Variants in ADAM28 observed in about 807,000 individuals in gnomAD.
ADAM28 encodes disintegrin and metalloproteinase domain-containing protein 28.
In ADAM28, 105 loss-of-function variants were observed where a neutral mutation model predicts 101.2. That is an observed-to-expected ratio of 1.04 (90% confidence interval 0.89 to 1.22). The LOEUF (loss-of-function observed/expected upper bound fraction) is 1.22, where lower values mean the gene tolerates loss of function less well. ADAM28 is among the 50% of genes most tolerant of loss of function. ADAM28 has a pLI of 0.00. For synonymous variants in ADAM28, 322 were observed against 310.6 expected (o/e 1.04, Z -0.39); for missense variants, 1,028 against 945.4 (o/e 1.09, Z -1.15).
chr8:24,326,690 T>TA (rs1812666953), intron 10 of ADAM28, 55 bp downstream of exon 10: 3 of 1,513,794 alleles, frequency 2.0e-6, no homozygotes, highest in Middle Eastern at 1.7e-4. Flanking sequence ...AAATGCTTTT[T>TA]AAAAAATCTA....
intron 14 of ADAM28, 61 bp downstream of exon 14, chr8:24,335,702 G>A: frequency 1.4e-6 from 2 of 1,467,672 alleles, no homozygotes; most frequent in Non-Finnish European, 1.8e-6. Flanking sequence ...AGATGACAGT[G>A]TTTAACCATG....
chr8:24,310,093 G>T, intron 3 of ADAM28, 70 bp from the exon 4 acceptor site: 1 of 1,557,998 alleles, frequency 6.4e-7, no homozygotes, highest in South Asian at 1.1e-5. Context: ...GCTCTCAAAT[G>T]ACTTGAGAAT....
In ADAM28 at chr8:24,329,859, GTGTGTGTGTT is replaced by G. The variant is rs1214677673; in HGVS notation, c.973-116_973-107del. The stretch of plus-strand genomic sequence containing the variant: ...TCTCTCTCTTGCTCTGTGTGTGTGT[GTGTGTGTGTT>G]TGTGTGTGTGTGTGTGTGAGAGAGA... On this transcript the variant is annotated intron_variant, in intron 10 of 22. Coordinates refer to ENST00000265769, the MANE Select transcript of ADAM28 (RefSeq NM_014265.6). 2.2e-4 allele frequency: 195 copies of G among 896,698 alleles called. No homozygotes were observed. In the African/African-American group the frequency reaches 3.2e-3, roughly 15 times the overall value. 55.5% of individuals were successfully genotyped at this position (896,698 alleles called of 1,614,324 possible). A position where few individuals can be genotyped will look rare whatever the true frequency, so the allele number is the denominator to read the frequency against.
At chr8:24,335,964 T>C in intron 14 of ADAM28, 1 of 1,074,274 alleles carries the variant, frequency 9.3e-7, no homozygotes, top group Non-Finnish European at 1.1e-6. Flanking sequence ...AAATTCAAAT[T>C]AAACTGGGTG....
At chr8:24,308,542 C>G (rs896121937) in intron 2 of ADAM28, 1 of 447,128 alleles carries the variant, frequency 2.2e-6, no homozygotes, top group Non-Finnish European at 4.5e-6. Context: ...TGGTATCATT[C>G]TCATGGCTTC....
At chr8:24,310,991 T>C (rs775536505) in intron 4 of ADAM28, among the ~76,000 whole-genome samples, 1 of 152,178 alleles carries the variant, frequency 6.6e-6, no homozygotes, top group Non-Finnish European at 1.5e-5. Context: ...GAAAAAAGCT[T>C]GTAGATCTTT....
rs910400039 is a variant in ADAM28 at position 24,355,362 on chromosome 8, G to T, written c.*958G>T. ...TCCTGGCTTTTAGAACAATAATTTT[G>T]TTCACCTGCCCACTTCTAGGAAAGA... On this transcript the variant is annotated 3_prime_UTR_variant, in exon 23 of 23. Coordinates refer to ENST00000265769, the MANE Select transcript of ADAM28 (RefSeq NM_014265.6). The T allele has an allele frequency of 1.3e-5, 2 of 148,606 alleles. No individual in the cohort carries two copies. Among genetic ancestry groups the T allele is most frequent in the Non-Finnish European group, 3.0e-5 (2 of 67,230 alleles). 9.2% of individuals were successfully genotyped at this position (148,606 alleles called of 1,614,324 possible). A position where few individuals can be genotyped will look rare whatever the true frequency, so the allele number is the denominator to read the frequency against.
At chr8:24,344,000 C>T (rs368066187) in intron 18 of ADAM28, among the ~76,000 whole-genome samples, 2 of 152,162 alleles carry the variant, frequency 1.3e-5, no homozygotes, top group Non-Finnish European at 2.9e-5. Flanking sequence ...GTTGTCACCA[C>T]GTCACTTGTA....
In ADAM28 at chr8:24,358,529, C is replaced by CAACT. The variant is rs1484801465; in HGVS notation, c.*4126_*4129dup. ...AGCTCCACCTTGTCAGGGAAGATCC[C>CAACT]AACTCAGGAGAAAACACCTCTAACA... is the stretch of plus-strand genomic sequence containing the variant. On this transcript the variant is annotated 3_prime_UTR_variant, in exon 23 of 23. Transcript: ENST00000265769. 1.3e-5 allele frequency: 2 copies of CAACT among 152,132 alleles called. No individual in the cohort carries two copies. The highest frequency in any genetic ancestry group is 4.8e-5 in the African/African-American group (2 of 41,430). 9.4% of individuals were successfully genotyped at this position (152,132 alleles called of 1,614,324 possible).
intron 2 of ADAM28, chr8:24,300,862 A>G (rs893497472): frequency 6.6e-6 from 1 of 152,208 alleles, no homozygotes; most frequent in African/African-American, 2.4e-5. Context: ...GCATGTATAT[A>G]TGCACATTAA....
At chr8:24,320,936 C>G (rs1811785787) in intron 7 of ADAM28, among the ~76,000 whole-genome samples, 1 of 151,970 alleles carries the variant, frequency 6.6e-6, no homozygotes, top group Middle Eastern at 3.4e-3. Flanking sequence ...ATTCTGCACA[C>G]CTTAGAAAAC....
chr8:24,321,085 A>G (rs1585606499), intron 7 of ADAM28, 133 bp from the exon 8 acceptor site: 1 of 594,074 alleles, frequency 1.7e-6, no homozygotes, highest in East Asian at 2.9e-5. Flanking sequence ...TTTGATTCTA[A>G]CTTTTAATTA....
intron 5 of ADAM28, among the ~76,000 whole-genome samples, chr8:24,312,134 T>C (rs932256147): frequency 6.6e-6 from 1 of 152,176 alleles, no homozygotes; most frequent in African/African-American, 2.4e-5. Context: ...ATACTATGCA[T>C]CTGTCTATAT....
At chr8:24,321,740 GA>G (rs1811910019) in intron 8 of ADAM28, among the ~76,000 whole-genome samples, 1 of 151,930 alleles carries the variant, frequency 6.6e-6, no homozygotes, top group African/African-American at 2.4e-5. Context: ...CATATTCTCA[GA>G]AACAAAGAAC....
chr8:24,330,252 C>T, intron 11 of ADAM28, 137 bp downstream of exon 11: 1 of 977,818 alleles, frequency 1.0e-6, no homozygotes. Context: ...CAAGCCACCT[C>T]ATCTATGGGT....
chr8:24,313,401 C>T lies in ADAM28; in HGVS notation c.397C>T (p.Gln133Ter), dbSNP rs1585566041. The change falls in exon 6 of 23, where the codon CAG (glutamine) becomes TAG (stop). Residue 133 changes from glutamine to a stop codon, truncating the protein, a stop_gained. Transcript: ENST00000265769. LOFTEE classifies it high-confidence loss of function. ...ATGTTTTTTCAGGGGCTACTTCAGT[C>T]AGGGGGATCAAAGATACTTTATTGA... Reference protein sequence around the residue: ...TCRGLRGYFSQGDQRYFIEPL... With the variant: ...TCRGLRGYFS 6.2e-7 allele frequency: 1 copy of T among 1,610,898 alleles called. No homozygotes were observed. The highest frequency in any genetic ancestry group is 8.5e-7 in the Non-Finnish European group (1 of 1,178,650).
rs991568593 is a variant in ADAM28, at chr8:24,358,092, T to G, written c.*3688T>G. 12 of 98,746 alleles carry G rather than the reference T, an allele frequency of 1.2e-4. No individual in the cohort carries two copies. The highest frequency in any genetic ancestry group is 2.2e-4 in the Non-Finnish European group (11 of 49,498). The allele number at this position is 98,746 out of a possible 1,614,324, so 6.1% of individuals were successfully genotyped here. A position where few individuals can be genotyped will look rare whatever the true frequency, so the allele number is the denominator to read the frequency against. On this transcript the variant is annotated 3_prime_UTR_variant, in exon 23 of 23. Coordinates refer to ENST00000265769, the MANE Select transcript of ADAM28 (RefSeq NM_014265.6). ...TTATAAAGGCTAACCAATTAACTGT[T>G]TTTAACTTATATTTCCAGATATTTT...
At position 24,355,672 on chromosome 8, in the gene ADAM28, G is replaced by GAT. The variant is rs1816637031; in HGVS notation, c.*1269_*1270insTA. ...TTATGAAGGCTGAAAAAGATAGATA[G>GAT]AGCAGAAAGATGAAAAGAATAAAAC... On this transcript the variant is annotated 3_prime_UTR_variant, in exon 23 of 23. Coordinates refer to ENST00000265769, the MANE Select transcript of ADAM28 (RefSeq NM_014265.6). 6.6e-6 allele frequency: 1 copy of GAT among 152,012 alleles called. No homozygotes were observed. Among genetic ancestry groups the GAT allele is most frequent in the Admixed American group, 6.6e-5 (1 of 15,232 alleles). 9.4% of individuals were successfully genotyped at this position (152,012 alleles called of 1,614,324 possible). A position where few individuals can be genotyped will look rare whatever the true frequency, so the allele number is the denominator to read the frequency against.
At chr8:24,321,430 C>A in intron 8 of ADAM28, 141 bp downstream of exon 8, 1 of 738,128 alleles carries the variant, frequency 1.4e-6, no homozygotes, top group Non-Finnish European at 2.5e-6. Flanking sequence ...AAAGGATGAC[C>A]ACAACTTTTG....
Sources: gnomAD v4.1 joint callset for allele counts (sites outside exome capture counted in the v4.1 genomes callset) on GRCh38, gnomAD v4.1.1 for gene constraint, MANE v1.5 for transcripts, NCBI Gene and HGNC (gene_info 2026-07-23, HGNC 2026-07-21) for gene names.